Variants in RBPJ observed in about 807,000 individuals in gnomAD.
RBPJ encodes recombination signal binding protein for immunoglobulin kappa J region.
In RBPJ, 9 loss-of-function variants were observed where a neutral mutation model predicts 67.8. That is an observed-to-expected ratio of 0.13 (90% confidence interval 0.08 to 0.23). The LOEUF is 0.23. Among genes scored for constraint, RBPJ ranks in the 10% least tolerant of loss-of-function variants. The pLI, the probability that RBPJ is intolerant of heterozygous loss-of-function variation, is 1.00. For synonymous variants in RBPJ, 198 were observed against 203.3 expected, an observed-to-expected ratio of 0.97 and a Z score of 0.22; for missense variants, 305 against 595.6, an observed-to-expected ratio of 0.51 and a Z score of 5.08.
the RBPJ span, chr4:26,111,865 A>G: frequency 5.3e-6 from 1 of 190,456 alleles, no homozygotes; most frequent in South Asian, 1.2e-4. Context: ...TACACAGAAA[A>G]TGAACAAATC....
At chr4:26,258,394 T>A (rs1324479548) in intron 1 of RBPJ, among the ~76,000 whole-genome samples, 1 of 152,216 alleles carries the variant, frequency 6.6e-6, no homozygotes, top group Non-Finnish European at 1.5e-5. Flanking sequence ...ATAGGATCTG[T>A]TTGGGTGCGT....
rs61575988 is a variant in RBPJ, at chr4:26,407,883, C to CTTTTTTTTTT, written c.155+1633_155+1642dup. Among the ~76,000 whole-genome samples the CTTTTTTTTTT allele has an allele frequency of 5.8e-4, 37 of 63,636 alleles. 5 individuals are homozygous for CTTTTTTTTTT. Among genetic ancestry groups the CTTTTTTTTTT allele is most frequent in the African/African-American group, 2.2e-3 (33 of 15,138 alleles). 41.7% of individuals were successfully genotyped at this position (63,636 alleles called of 152,430 possible). A position where few individuals can be genotyped will look rare whatever the true frequency, so the allele number is the denominator to read the frequency against. ...TGAAAAGAGGGGTAAAGCTTTCTTTCTTTTTTTTTTTTTTTTTTTTTTTTT... is the reference window on the plus strand; with the variant it reads ...TGAAAAGAGGGGTAAAGCTTTCTTTCTTTTTTTTTTTTTTTTTTTTTTTTTTTTTTTTTTT... On this transcript the variant is annotated intron_variant, in intron 3 of 10. Transcript: ENST00000355476.
At chr4:26,128,126 G>A in the RBPJ span, among the ~76,000 whole-genome samples, 1 of 152,228 alleles carries the variant, frequency 6.6e-6, no homozygotes, top group Non-Finnish European at 1.5e-5. Flanking sequence ...CCTCATATAG[G>A]TGAGGCTCCC....
chr4:26,266,205 T>G (rs1277197134), intron 1 of RBPJ, among the ~76,000 whole-genome samples: 1 of 152,154 alleles, frequency 6.6e-6, no homozygotes, highest in African/African-American at 2.4e-5. Context: ...GGTTAGCACA[T>G]AGTCTACATC....
chr4:26,106,312 G>C, the RBPJ span, among the ~76,000 whole-genome samples: 21 of 152,328 alleles, frequency 1.4e-4, no homozygotes, highest in South Asian at 3.7e-3. Flanking sequence ...TGAAAGCTTT[G>C]AGATGGTTAG....
chr4:26,201,740 C>T (rs893995984), intron 1 of RBPJ, among the ~76,000 whole-genome samples: 3 of 152,186 alleles, frequency 2.0e-5, no homozygotes, highest in African/African-American at 7.2e-5. Context: ...CGTTCTAAAC[C>T]AAGTTACACC....
chr4:26,410,919 T>G (rs1370396750), intron 3 of RBPJ, among the ~76,000 whole-genome samples: 1 of 152,210 alleles, frequency 6.6e-6, no homozygotes, highest in Non-Finnish European at 1.5e-5. Context: ...TATTGTTTGT[T>G]ATAGTTGATA....
chr4:26,347,966 CT>C (rs1175453268), intron 1 of RBPJ, among the ~76,000 whole-genome samples: 115 of 130,050 alleles, frequency 8.8e-4, no homozygotes, highest in Admixed American at 1.1e-3. Flanking sequence ...TTTTCTTTTT[CT>C]TTTTTTTTTT....
intron 1 of RBPJ, among the ~76,000 whole-genome samples, chr4:26,282,165 A>C: frequency 7.4e-6 from 1 of 135,820 alleles, no homozygotes; most frequent in East Asian, 2.1e-4. Context: ...TTGCTAATGT[A>C]AATCTTGCCT....
chr4:26,370,095 G>C (rs1029876167), intron 1 of RBPJ, among the ~76,000 whole-genome samples: 2 of 152,192 alleles, frequency 1.3e-5, no homozygotes, highest in African/African-American at 4.8e-5. Flanking sequence ...AAAAAGGAGA[G>C]AGCTGATCCA....
At chr4:26,389,944 G>C (rs1362474134) in intron 2 of RBPJ, among the ~76,000 whole-genome samples, 1 of 152,090 alleles carries the variant, frequency 6.6e-6, no homozygotes, top group Non-Finnish European at 1.5e-5. Context: ...TTCATTCTGT[G>C]AGCATAGCAT....
upstream of RBPJ, among the ~76,000 whole-genome samples, chr4:26,316,130 GA>G (rs1167676689): frequency 6.6e-6 from 1 of 151,818 alleles, no homozygotes; most frequent in Non-Finnish European, 1.5e-5. Flanking sequence ...ACAGGCATAA[GA>G]AATTATAAGA....
At chr4:26,117,417 C>G in the RBPJ span, among the ~76,000 whole-genome samples, 1 of 152,084 alleles carries the variant, frequency 6.6e-6, no homozygotes, top group Non-Finnish European at 1.5e-5. Flanking sequence ...CTAACAAAAC[C>G]AAGACCCTCC....
chr4:26,342,208 G>C (rs756452539), intron 1 of RBPJ, among the ~76,000 whole-genome samples: 1 of 150,794 alleles, frequency 6.6e-6, no homozygotes, highest in Non-Finnish European at 1.5e-5. Context: ...ATCAAAAGGA[G>C]GGAAGACAGA....
the RBPJ span, among the ~76,000 whole-genome samples, chr4:26,152,297 T>G: frequency 6.6e-6 from 1 of 152,156 alleles, no homozygotes; most frequent in Non-Finnish European, 1.5e-5. Context: ...GTCTTTTTCA[T>G]CCACCACGTA....
At chr4:26,306,687 G>T (rs1722250461) in intron 1 of RBPJ, among the ~76,000 whole-genome samples, 1 of 151,806 alleles carries the variant, frequency 6.6e-6, no homozygotes. Flanking sequence ...CTAACCTCCT[G>T]ATCCACCCGC....
At chr4:26,332,655 T>G (rs550972881) in intron 1 of RBPJ, among the ~76,000 whole-genome samples, 41 of 152,298 alleles carry the variant, frequency 2.7e-4, no homozygotes, top group Non-Finnish European at 3.8e-4. Flanking sequence ...TCAGAAGTTA[T>G]TTATTTACTT....
In RBPJ at chr4:26,429,895, T is replaced by C. The variant is rs753058616; in HGVS notation, c.889-3T>C. 7 of 1,611,852 alleles carry C rather than the reference T, an allele frequency of 4.3e-6. 1 individual carries two copies. The South Asian group carries it at 7.7e-5, about 18-fold the overall frequency. The stretch of plus-strand genomic sequence containing the variant: ...TTAGTTTCTAAACTTCTTTCTTTAT[T>C]AGGCCACTCCATGTCCAAAAGAACC... On this transcript the variant is annotated splice_polypyrimidine_tract_variant and splice_region_variant and intron_variant, in intron 8 of 10. Coordinates refer to ENST00000355476, the MANE Select transcript of RBPJ (RefSeq NM_015874.6).
At chr4:26,251,563 G>A (rs1429025149) in intron 1 of RBPJ, among the ~76,000 whole-genome samples, 1 of 151,104 alleles carries the variant, frequency 6.6e-6, no homozygotes, top group Non-Finnish European at 1.5e-5. Flanking sequence ...TTGAACATGG[G>A]AGGTGGAGGT....
Sources: gnomAD v4.1 joint callset for allele counts (sites outside exome capture counted in the v4.1 genomes callset) on GRCh38, gnomAD v4.1.1 for gene constraint, MANE v1.5 for transcripts, NCBI Gene and HGNC (gene_info 2026-07-23, HGNC 2026-07-21) for gene names.